The following PIGP variants were observed in gnomAD, a reference collection of about 807,000 sequenced individuals.
The protein encoded by PIGP is phosphatidylinositol glycan anchor biosynthesis class P.
PIGP carries 12 observed loss-of-function variants against 16.9 expected under a neutral mutation model. That is an observed-to-expected ratio of 0.71 (90% CI 0.46 to 1.15). PIGP has a LOEUF of 1.15. PIGP is among the 50% of genes most tolerant of loss of function. PIGP has a pLI of 0.00. For synonymous variants in PIGP, 57 were observed against 54.7 expected (o/e 1.04, Z -0.18); for missense variants, 159 against 153.5 (o/e 1.04, Z -0.19).
rs928456304 is a variant in PIGP at position 37,065,429 on chromosome 21, A to C, written c.*153T>G. ...TCATTAACAATACTTGAACATTTAC[A>C]ATATTCATTGAACATAATCTAAGAG... On this transcript the variant is annotated 3_prime_UTR_variant, in exon 5 of 5. Transcript: ENST00000360525. The C allele has an allele frequency of 4.7e-6, 3 of 631,856 alleles. No homozygotes were observed. 39.1% of individuals were successfully genotyped at this position (631,856 alleles called of 1,614,324 possible).
chr21:37,072,438 G>T lies in PIGP; in HGVS notation c.78C>A (p.Gly26=), dbSNP rs143586399. 2.9e-4 allele frequency: 461 copies of T among 1,614,224 alleles called. 3 individuals carry two copies. The South Asian group carries it at 3.6e-3, about 13-fold the overall frequency. ...ATCCATCAGGAAAGTACTTACTGAA[G>T]CCAAATTGGGAGCTTAAGAAAAGAA... is the stretch of plus-strand genomic sequence containing the variant. ...GFVLFLSSQF[G]FILYLVWAFI... The change falls in exon 2 of 5, where the codon GGC becomes GGA. Residue 26 remains glycine, a synonymous_variant. Coordinates refer to ENST00000360525, the MANE Select transcript of PIGP (RefSeq NM_153682.3).
At chr21:37,065,820 G>C in intron 4 of PIGP, 108 bp from the exon 5 acceptor site, 1 of 811,916 alleles carries the variant, frequency 1.2e-6, no homozygotes. Context: ...TTTGGATAGT[G>C]ACAAACATCA....
At chr21:37,066,204 G>A (rs1164591818) in intron 4 of PIGP, among the ~76,000 whole-genome samples, 1 of 152,170 alleles carries the variant, frequency 6.6e-6, no homozygotes, top group Non-Finnish European at 1.5e-5. Flanking sequence ...ACCATACAAT[G>A]ATGATTAAAG....
chr21:37,072,386 A>C, intron 2 of PIGP, 48 bp downstream of exon 2: 1 of 1,611,796 alleles, frequency 6.2e-7, no homozygotes. Context: ...TTCCCTTGTC[A>C]CTGAACGCCA....
intron 4 of PIGP, among the ~76,000 whole-genome samples, chr21:37,066,784 C>G (rs1208436825): frequency 6.6e-6 from 1 of 152,148 alleles, no homozygotes; most frequent in Non-Finnish European, 1.5e-5. Context: ...ATATTATAGA[C>G]ACATATAGCA....
chr21:37,070,746 T>C (rs2069990449), intron 2 of PIGP, among the ~76,000 whole-genome samples: 1 of 152,192 alleles, frequency 6.6e-6, no homozygotes, highest in African/African-American at 2.4e-5. Context: ...CTTGAATTAC[T>C]TTTTGGTTGT....
At chr21:37,069,652 G>A (rs1006808588) in intron 2 of PIGP, 28 bp from the exon 3 acceptor site, 2 of 1,435,784 alleles carry the variant, frequency 1.4e-6, no homozygotes, top group Admixed American at 2.1e-5. Context: ...AAAAAAAAGA[G>A]GAAGAGAAGT....
At chr21:37,068,789 T>C (rs2069949685) in intron 3 of PIGP, among the ~76,000 whole-genome samples, 1 of 152,222 alleles carries the variant, frequency 6.6e-6, no homozygotes, top group Non-Finnish European at 1.5e-5. Context: ...TATCTATCTT[T>C]TTCTGTGAGC....
intron 2 of PIGP, among the ~76,000 whole-genome samples, chr21:37,070,167 A>C (rs2069979087): frequency 1.3e-5 from 2 of 152,204 alleles, no homozygotes; most frequent in Non-Finnish European, 2.9e-5. Context: ...CACAGTTCCA[A>C]GCATTCTGTA....
chr21:37,068,294 T>C (rs1211121902), intron 3 of PIGP, among the ~76,000 whole-genome samples: 1 of 151,920 alleles, frequency 6.6e-6, no homozygotes, highest in East Asian at 1.9e-4. Flanking sequence ...TATACTTTCT[T>C]ATATTTTCAT....
Position 37,069,601 on chromosome 21 carries a change from T to C in PIGP, c.106A>G (p.Ile36Val). 1 of 1,569,610 alleles carries C rather than the reference T, an allele frequency of 6.4e-7. No homozygotes were observed. Residue 36 changes from isoleucine to valine, a missense_variant, in exon 3 of 5, where the codon ATT becomes GTT. By Grantham distance (29) the Ile-to-Val change is conservative. Coordinates refer to ENST00000360525, the MANE Select transcript of PIGP (RefSeq NM_153682.3). ...GFILYLVWAF[I>V]PESWLNSLGL... The stretch of plus-strand genomic sequence containing the variant: ...AAAGAGTTTAGCCAAGATTCAGGAA[T>C]AAAGGCCCACACGAGGTAAAGTACT...
chr21:37,067,778 AG>A (rs2069932054), intron 3 of PIGP, among the ~76,000 whole-genome samples: 1 of 152,204 alleles, frequency 6.6e-6, no homozygotes, highest in Non-Finnish European at 1.5e-5. Flanking sequence ...TTATAGCAGC[AG>A]GTTTTAGAAA....
intron 4 of PIGP, among the ~76,000 whole-genome samples, 180 bp downstream of exon 4, chr21:37,067,082 C>T (rs962001938): frequency 7.9e-5 from 12 of 151,972 alleles, no homozygotes; most frequent in South Asian, 6.2e-4. Flanking sequence ...TCTTGGCTCA[C>T]TGCAACCTCT....
intron 1 of PIGP, 160 bp from the exon 2 acceptor site, chr21:37,072,697 A>G (rs1202359303): frequency 1.7e-6 from 2 of 1,171,612 alleles, no homozygotes; most frequent in South Asian, 1.4e-5. Flanking sequence ...GCATACAGAC[A>G]CCCAGGCTGG....
At chr21:37,072,690 T>C in intron 1 of PIGP, 153 bp from the exon 2 acceptor site, 5 of 1,329,554 alleles carry the variant, frequency 3.8e-6, no homozygotes, top group Non-Finnish European at 5.2e-6. Flanking sequence ...CTCGAGCGCA[T>C]ACAGACACCC....
At chr21:37,072,659 G>C (rs1047857028) in intron 1 of PIGP, 122 bp from the exon 2 acceptor site, 10 of 1,544,092 alleles carry the variant, frequency 6.5e-6, no homozygotes, top group African/African-American at 1.4e-5. Context: ...CCGCGCCTCC[G>C]TCCGCAACCC....
chr21:37,072,362 T>TGTGTGC, intron 2 of PIGP, 72 bp downstream of exon 2: 2 of 1,605,110 alleles, frequency 1.2e-6, no homozygotes, highest in Non-Finnish European at 1.7e-6. Context: ...GTGCACAGTC[T>TGTGTGC]AACCAATGTA....
In PIGP at chr21:37,068,129, G is replaced by C. The variant is rs536256226; in HGVS notation, c.156-749C>G. 1.3e-4 allele frequency among the ~76,000 whole-genome samples: 20 copies of C among 151,380 alleles called. No homozygotes were observed. The East Asian group carries it at 3.9e-3, about 29-fold the overall frequency. On this transcript the variant is annotated intron_variant, in intron 3 of 4. Transcript: ENST00000360525. ...TCACTTCAGCCCTGCAAGTAGCTGGGACTATAGGCACACACCACCACACCT... is the reference window on the plus strand; with the variant it reads ...TCACTTCAGCCCTGCAAGTAGCTGGCACTATAGGCACACACCACCACACCT...
rs56940945 is a variant in PIGP at position 37,066,971 on chromosome 21, C to CGTGTGTGT, written c.274+283_274+290dup. Among the ~76,000 whole-genome samples the CGTGTGTGT allele has an allele frequency of 3.8e-3, 544 of 143,826 alleles. 7 individuals carry two copies. The highest frequency in any genetic ancestry group is 0.017 in the East Asian group (80 of 4,684). 94.4% of individuals were successfully genotyped at this position (143,826 alleles called of 152,430 possible). ...CTCTTAGTAGCTTCTTTTTACTGTC[C>CGTGTGTGT]GTGTGTGTGTGTGTGTGTGTGTGTG... On this transcript the variant is annotated intron_variant, in intron 4 of 4. Transcript: ENST00000360525.
Sources: gnomAD v4.1 joint callset for allele counts (sites outside exome capture counted in the v4.1 genomes callset) on GRCh38, gnomAD v4.1.1 for gene constraint, MANE v1.5 for transcripts, NCBI Gene and HGNC (gene_info 2026-07-23, HGNC 2026-07-21) for gene names.